The following PGRMC1 variants were observed in gnomAD, a reference collection of about 807,000 sequenced individuals.
PGRMC1 encodes membrane-associated progesterone receptor component 1.
For missense variants in PGRMC1, 145 were observed against 169.0 expected (o/e 0.86, Z 0.79); for synonymous variants, 73 against 77.3 (o/e 0.94, Z 0.29).
Position 119,236,345 on chromosome X carries a change from A to G in PGRMC1, c.-19A>G, listed in dbSNP as rs11546861. The G allele has an allele frequency of 5.8e-6, 7 of 1,197,657 alleles. No homozygotes were observed. The Admixed American group carries it at 1.1e-4, about 19-fold the overall frequency. On this transcript the variant is annotated 5_prime_UTR_variant, in exon 1 of 3. Transcript: ENST00000217971. The stretch of plus-strand genomic sequence containing the variant: ...TCCGGATCCCTGCCTAGCGCGGCCC[A>G]ACCTTTACTCCAGAGATCATGGCTG...
intron 2 of PGRMC1, among the ~76,000 whole-genome samples, chrX:119,242,593 A>G (rs892916676): frequency 5.4e-5 from 6 of 111,274 alleles, no homozygotes; most frequent in Non-Finnish European, 1.1e-4. Flanking sequence ...TTTGCCACCT[A>G]TAAGTCCAAA....
chrX:119,236,453 C>T lies in PGRMC1; in HGVS notation c.90C>T (p.Leu30=). The change falls in exon 1 of 3, where the codon CTC becomes CTT. Residue 30 remains leucine (L), a synonymous_variant. Transcript: ENST00000217971. ...TGCATGAGATTTTCACGTCGCCGCT[C>T]AACCTGCTGCTGCTTGGCCTCTGCA... ...GLLHEIFTSP[L]NLLLLGLCIF... is the part of the protein sequence containing the mutation. 8.3e-7 allele frequency: 1 copy of T among 1,210,564 alleles called. No individual in the cohort carries two copies. Among genetic ancestry groups the T allele is most frequent in the Non-Finnish European group, 1.1e-6 (1 of 894,601 alleles).
intron 1 of PGRMC1, among the ~76,000 whole-genome samples, chrX:119,239,707 T>C (rs1392922001): frequency 1.8e-5 from 2 of 112,028 alleles, no homozygotes; most frequent in Non-Finnish European, 3.8e-5. Flanking sequence ...CTCTGTGTTA[T>C]CTATTTATTG....
In PGRMC1 at chrX:119,239,431, G is replaced by A. The variant is rs556385843; in HGVS notation, c.329-878G>A. ...GGCTGCTATTCAATCTGCCTTGGGG[G>A]AAACAACACATTGTTTAAAGTACAC... On this transcript the variant is annotated intron_variant, in intron 1 of 2. Coordinates refer to ENST00000217971, the MANE Select transcript of PGRMC1 (RefSeq NM_006667.5). 2.7e-5 allele frequency among the ~76,000 whole-genome samples: 3 copies of A among 112,021 alleles called. No homozygotes were observed. In the South Asian group the frequency reaches 1.1e-3, roughly 42 times the overall value.
chrX:119,241,005 C>G (rs1362736390), intron 2 of PGRMC1, among the ~76,000 whole-genome samples: 1 of 111,876 alleles, frequency 8.9e-6, no homozygotes, highest in East Asian at 2.8e-4. Context: ...ATGCTTGTTT[C>G]TGGCTTATGC....
intron 2 of PGRMC1, 59 bp from the exon 3 acceptor site, chrX:119,243,092 G>A: frequency 1.4e-6 from 1 of 713,043 alleles, no homozygotes; most frequent in Non-Finnish European, 2.3e-6. Flanking sequence ...ATTGAAACGT[G>A]GTAATGATGT....
At position 119,243,319 on chromosome X, in the gene PGRMC1, C is replaced by A. The variant is rs888340737; in HGVS notation, c.*65C>A. The stretch of plus-strand genomic sequence containing the variant: ...AATCATTTGTAACAGTCCACTCTGT[C>A]TTTAAAACATAGTGATTACAATATT... On this transcript the variant is annotated 3_prime_UTR_variant, in exon 3 of 3. Transcript: ENST00000217971. 4.6e-6 allele frequency: 3 copies of A among 651,685 alleles called. No homozygotes were observed. The African/African-American group carries it at 6.4e-5, about 14-fold the overall frequency. 53.7% of individuals were successfully genotyped at this position (651,685 alleles called of 1,213,427 possible).
In PGRMC1 at chrX:119,236,544, G is replaced by A. The variant is rs1930699724; in HGVS notation, c.181G>A (p.Glu61Lys). 1 of 1,208,441 alleles carries A rather than the reference G, an allele frequency of 8.3e-7. No homozygotes were observed. The highest frequency in any genetic ancestry group is 3.0e-5 in the East Asian group (1 of 33,712). The change falls in exon 1 of 3, where the codon GAG (glutamate) becomes AAG (lysine). Residue 61 changes from glutamate (E) to lysine (K), a missense_variant. Coordinates refer to ENST00000217971, the MANE Select transcript of PGRMC1 (RefSeq NM_006667.5). ...GGCCAGCGGCGACAGCGACGACGAC[G>A]AGCCGCCCCCTCTGCCCCGCCTCAA... is the stretch of plus-strand genomic sequence containing the variant. Reference protein sequence around the residue: ...PAASGDSDDDEPPPLPRLKRR... With the variant: ...PAASGDSDDDKPPPLPRLKRR...
In PGRMC1 at chrX:119,240,467, A is replaced by G; in HGVS notation, c.484+3A>G. ...TGACTGGGAGTCTCAGTTCACTTGT[A>G]AGCATTTTTAAAATTGTGTCTGGGT... is the stretch of plus-strand genomic sequence containing the variant. On this transcript the variant is annotated splice_donor_region_variant and intron_variant, in intron 2 of 2. Transcript: ENST00000217971. 3 of 1,198,173 alleles carry G rather than the reference A, an allele frequency of 2.5e-6. No individual in the cohort carries two copies. The highest frequency in any genetic ancestry group is 3.4e-6 in the Non-Finnish European group (3 of 883,467).
rs1030382085 is a variant in PGRMC1 at position 119,243,666 on chromosome X, A to G, written c.*412A>G. 1.2e-5 allele frequency: 2 copies of G among 172,442 alleles called. No individual in the cohort carries two copies. The highest frequency in any genetic ancestry group is 1.6e-4 in the East Asian group (1 of 6,293). 14.2% of individuals were successfully genotyped at this position (172,442 alleles called of 1,213,427 possible). A position where few individuals can be genotyped will look rare whatever the true frequency, so the allele number is the denominator to read the frequency against. ...ACAACAAATCCCTTTTTTTTTCTCA[A>G]TTGACTTAACTGCATGATTTCTGTT... On this transcript the variant is annotated 3_prime_UTR_variant, in exon 3 of 3. Transcript: ENST00000217971.
chrX:119,242,487 C>T (rs1167055296), intron 2 of PGRMC1, among the ~76,000 whole-genome samples: 2 of 111,452 alleles, frequency 1.8e-5, no homozygotes, highest in South Asian at 7.6e-4. Flanking sequence ...CCCAGTCTCT[C>T]CTTACTGAAA....
intron 2 of PGRMC1, 43 bp downstream of exon 2, chrX:119,240,507 T>A: frequency 9.3e-7 from 1 of 1,072,818 alleles, no homozygotes; most frequent in Non-Finnish European, 1.3e-6. Flanking sequence ...TTTCTACCAG[T>A]AATGGGGATT....
At chrX:119,236,737 C>T in intron 1 of PGRMC1, 46 bp downstream of exon 1, 2 of 1,041,544 alleles carry the variant, frequency 1.9e-6, no homozygotes, top group South Asian at 2.3e-5. Context: ...AAGGGGGCCC[C>T]GGCACGGGGC....
At chrX:119,238,332 G>A (rs922976112) in intron 1 of PGRMC1, among the ~76,000 whole-genome samples, 4 of 112,032 alleles carry the variant, frequency 3.6e-5, no homozygotes, top group African/African-American at 1.3e-4. Flanking sequence ...TGGGATTACA[G>A]GCATGAGCCA....
At chrX:119,243,062 G>T (rs981741802) in intron 2 of PGRMC1, 89 bp from the exon 3 acceptor site, 3 of 598,642 alleles carry the variant, frequency 5.0e-6, no homozygotes, top group Admixed American at 2.4e-5. Context: ...TATATTGCAG[G>T]CCTCTAATAA....
Position 119,243,521 on chromosome X carries a change from G to A in PGRMC1, c.*267G>A, listed in dbSNP as rs1422338968. On this transcript the variant is annotated 3_prime_UTR_variant, in exon 3 of 3. Coordinates refer to ENST00000217971, the MANE Select transcript of PGRMC1 (RefSeq NM_006667.5). Reference sequence around the variant, plus strand: ...CTTCTATCTGTAGTTAGTACAGGATGAATTTAAATGTGTTTTTCCTGAGAG... The same window carrying A: ...CTTCTATCTGTAGTTAGTACAGGATAAATTTAAATGTGTTTTTCCTGAGAG... The A allele has an allele frequency of 9.5e-6, 3 of 314,685 alleles. No homozygotes were observed. The East Asian group carries it at 1.7e-4, about 18-fold the overall frequency. 25.9% of individuals were successfully genotyped at this position (314,685 alleles called of 1,213,427 possible).
At chrX:119,240,836 C>T (rs1295113238) in intron 2 of PGRMC1, among the ~76,000 whole-genome samples, 1 of 112,005 alleles carries the variant, frequency 8.9e-6, no homozygotes, top group Non-Finnish European at 1.9e-5. Flanking sequence ...CGTTTAAAAG[C>T]AGCCCACATC....
At chrX:119,238,364 T>C (rs1455649507) in intron 1 of PGRMC1, among the ~76,000 whole-genome samples, 6 of 112,087 alleles carry the variant, frequency 5.4e-5, no homozygotes, top group Non-Finnish European at 1.1e-4. Context: ...CTGTGGATAT[T>C]TTAGAATACC....
chrX:119,237,101 C>T (rs1217736558), intron 1 of PGRMC1, among the ~76,000 whole-genome samples: 2 of 108,964 alleles, frequency 1.8e-5, no homozygotes, highest in African/African-American at 6.7e-5. Context: ...GGGGTAGTGT[C>T]GGGTTCTAGG....
Sources: gnomAD v4.1 joint callset for allele counts (sites outside exome capture counted in the v4.1 genomes callset) on GRCh38, gnomAD v4.1.1 for gene constraint, MANE v1.5 for transcripts, NCBI Gene and HGNC (gene_info 2026-07-23, HGNC 2026-07-21) for gene names.